Variants in RABGAP1L observed in about 807,000 individuals in gnomAD.
RABGAP1L encodes rab GTPase-activating protein 1-like.
Under a neutral mutation model 137.7 loss-of-function variants are expected in RABGAP1L, and 63 were observed. The ratio of observed to expected loss-of-function variants is 0.46; its 90% CI spans 0.37 to 0.56. The LOEUF is 0.56. Among genes scored for constraint, RABGAP1L ranks in the 20% least tolerant of loss-of-function variants. The pLI is 0.00. For synonymous variants in RABGAP1L, 431 were observed against 433.7 expected (o/e 0.99, Z 0.08); for missense variants, 1,095 against 1,244.0 (o/e 0.88, Z 1.80).
chr1:174,374,480 C>T (rs536303224), intron 12 of RABGAP1L, among the ~76,000 whole-genome samples: 1 of 152,044 alleles, frequency 6.6e-6, no homozygotes, highest in South Asian at 2.1e-4. Flanking sequence ...AAAACTAATA[C>T]CTTATACTCC....
chr1:174,295,274 C>T (rs1269821976), intron 10 of RABGAP1L, among the ~76,000 whole-genome samples: 3 of 149,076 alleles, frequency 2.0e-5, no homozygotes, highest in East Asian at 2.0e-4. Context: ...AGTGGTGTGG[C>T]GCAGTCATAG....
Position 174,750,936 on chromosome 1 carries a change from A to G in RABGAP1L, c.2170-1377A>G, listed in dbSNP as rs146076743. Among the ~76,000 whole-genome samples, 107 of 152,316 alleles carry G rather than the reference A, an allele frequency of 7.0e-4. 1 individual carries two copies. Among genetic ancestry groups the G allele is most frequent in the African/African-American group, 2.4e-3 (99 of 41,576 alleles). On this transcript the variant is annotated intron_variant, in intron 17 of 25. Transcript: ENST00000681986. ...GGCAGCAGCTAGTGGGTGAGAAGTC[A>G]AATTTTGATTCAGAAAGCAAATTTT...
intron 13 of RABGAP1L, among the ~76,000 whole-genome samples, chr1:174,615,416 G>A (rs1470679788): frequency 6.6e-6 from 1 of 152,186 alleles, no homozygotes; most frequent in Non-Finnish European, 1.5e-5. Context: ...AAATGCTGCT[G>A]TCTGATCGTT....
intron 13 of RABGAP1L, among the ~76,000 whole-genome samples, chr1:174,614,765 C>T (rs1191899646): frequency 6.6e-6 from 1 of 152,160 alleles, no homozygotes; most frequent in African/African-American, 2.4e-5. Context: ...TTCTTGGAGG[C>T]TTTGCTCATT....
chr1:174,236,689 C>G (rs1671206494), intron 4 of RABGAP1L, among the ~76,000 whole-genome samples: 12 of 126,972 alleles, frequency 9.5e-5, no homozygotes, highest in South Asian at 6.0e-4. Context: ...TTACTTCCAA[C>G]TATGTGGTCA....
intron 18 of RABGAP1L, among the ~76,000 whole-genome samples, chr1:174,810,389 A>G (rs1271765028): frequency 6.6e-6 from 1 of 152,208 alleles, no homozygotes; most frequent in Admixed American, 6.5e-5. Context: ...TAAAATCTAG[A>G]TTACAAGATG....
chr1:174,849,956 A>C lies in RABGAP1L; in HGVS notation c.2340+37996A>C, dbSNP rs561084390. On this transcript the variant is annotated intron_variant, in intron 19 of 25. Coordinates refer to ENST00000681986, the MANE Select transcript of RABGAP1L (RefSeq NM_001366446.1). ...GCATGGAAGACACAGGATCTTTGGA[A>C]TCAACATACACATCTTTTAGAAATG... 11 of 707,484 alleles carry C rather than the reference A, an allele frequency of 1.6e-5. No homozygotes were observed. In the East Asian group the frequency reaches 4.8e-4, roughly 31 times the overall value. The allele number at this position is 707,484 out of a possible 1,614,324, so 43.8% of individuals were successfully genotyped here.
intron 13 of RABGAP1L, among the ~76,000 whole-genome samples, chr1:174,589,481 T>C (rs1450937194): frequency 6.6e-6 from 1 of 152,162 alleles, no homozygotes; most frequent in Non-Finnish European, 1.5e-5. Context: ...CATTTGTCCA[T>C]TTTTTCTTTG....
chr1:174,605,573 A>C (rs929023897), intron 13 of RABGAP1L, among the ~76,000 whole-genome samples: 1 of 152,178 alleles, frequency 6.6e-6, no homozygotes, highest in Non-Finnish European at 1.5e-5. Context: ...CACTTGTTCA[A>C]AATTTAATTG....
intron 13 of RABGAP1L, among the ~76,000 whole-genome samples, chr1:174,585,321 C>T (rs1386104616): frequency 6.6e-6 from 1 of 152,102 alleles, no homozygotes; most frequent in African/African-American, 2.4e-5. Context: ...TTTTAGGACC[C>T]CCCACCCAAA....
intron 12 of RABGAP1L, among the ~76,000 whole-genome samples, chr1:174,384,294 A>C (rs1375277277): frequency 6.6e-6 from 1 of 152,108 alleles, no homozygotes. Flanking sequence ...GGGTCCAGGG[A>C]ATTTGGGTAT....
At chr1:174,252,805 A>T (rs1484047355) in intron 7 of RABGAP1L, among the ~76,000 whole-genome samples, 2 of 152,234 alleles carry the variant, frequency 1.3e-5, no homozygotes, top group Non-Finnish European at 2.9e-5. Context: ...TTAGTTTTTC[A>T]GTCATAACTG....
intron 1 of RABGAP1L, among the ~76,000 whole-genome samples, chr1:174,169,711 A>G (rs1665188498): frequency 6.6e-6 from 1 of 151,728 alleles, no homozygotes; most frequent in African/African-American, 2.4e-5. Flanking sequence ...TGTTTTGGAG[A>G]CAGGGTATCT....
chr1:174,537,421 A>G (rs976390773), intron 13 of RABGAP1L, among the ~76,000 whole-genome samples: 1 of 152,144 alleles, frequency 6.6e-6, no homozygotes, highest in African/African-American at 2.4e-5. Flanking sequence ...CCCTTATCCT[A>G]CTGCTACTAA....
At chr1:174,441,926 A>T (rs182768082) in intron 13 of RABGAP1L, among the ~76,000 whole-genome samples, 3 of 151,574 alleles carry the variant, frequency 2.0e-5, no homozygotes, top group African/African-American at 7.3e-5. Context: ...TCATGTTTTC[A>T]TCTCCCTTTA....
chr1:174,226,992 AAGG>A (rs1450199436), intron 3 of RABGAP1L, among the ~76,000 whole-genome samples: 2 of 152,228 alleles, frequency 1.3e-5, no homozygotes, highest in Non-Finnish European at 1.5e-5. Context: ...AACATATCAA[AAGG>A]AGAATAATAT....
intron 13 of RABGAP1L, among the ~76,000 whole-genome samples, chr1:174,541,646 G>A (rs1048404341): frequency 1.3e-5 from 2 of 152,054 alleles, no homozygotes; most frequent in African/African-American, 4.8e-5. Flanking sequence ...CAGGGTGGCG[G>A]GCACCTGTAG....
At chr1:174,252,684 AT>A in intron 7 of RABGAP1L, 94 bp downstream of exon 7, 1 of 1,479,088 alleles carries the variant, frequency 6.8e-7, no homozygotes, top group Non-Finnish European at 8.9e-7. Context: ...ACTATACTTC[AT>A]TTTCTCCAAT....
chr1:174,295,631 G>A (rs1484575864), intron 10 of RABGAP1L, among the ~76,000 whole-genome samples: 1 of 150,616 alleles, frequency 6.6e-6, no homozygotes, highest in Admixed American at 6.6e-5. Context: ...TGATGCACCT[G>A]CCTCGGCCTC....
Sources: gnomAD v4.1 joint callset for allele counts (sites outside exome capture counted in the v4.1 genomes callset) on GRCh38, gnomAD v4.1.1 for gene constraint, MANE v1.5 for transcripts, NCBI Gene and HGNC (gene_info 2026-07-23, HGNC 2026-07-21) for gene names.